Variants in RASGRF2 observed in about 807,000 individuals in gnomAD.
The protein encoded by RASGRF2 is Ras protein specific guanine nucleotide releasing factor 2.
Under a neutral mutation model 151.0 loss-of-function variants are expected in RASGRF2, and 76 were observed. The observed-to-expected ratio is 0.50, with a 90% confidence interval of 0.42 to 0.61. The LOEUF is 0.61. Ranked by LOEUF, RASGRF2 falls within the 20% of genes least tolerant of loss-of-function variation. The pLI, the probability that RASGRF2 is intolerant of heterozygous loss-of-function variation, is 0.00. For synonymous variants in RASGRF2, 504 were observed against 566.5 expected, an observed-to-expected ratio of 0.89 and a Z score of 1.57; for missense variants, 1,148 against 1,564.6, an observed-to-expected ratio of 0.73 and a Z score of 4.49.
intron 13 of RASGRF2, among the ~76,000 whole-genome samples, chr5:81,109,455 C>A (rs1029374128): frequency 6.6e-6 from 1 of 152,120 alleles, no homozygotes; most frequent in Non-Finnish European, 1.5e-5. Context: ...CAGGAGTTTG[C>A]GAACAGCCTG....
rs115836393 is a variant in RASGRF2 at position 80,981,497 on chromosome 5, G to C, written c.288+20471G>C. ...GTTGCTGAGCTCTGAGCACACTGGCGTGTACTTGTGTGAGTACGTGTGTGT... is the reference window on the plus strand; with the variant it reads ...GTTGCTGAGCTCTGAGCACACTGGCCTGTACTTGTGTGAGTACGTGTGTGT... On this transcript the variant is annotated intron_variant, in intron 1 of 26. Transcript: ENST00000265080. Among the ~76,000 whole-genome samples, 27 of 152,212 alleles carry C rather than the reference G, an allele frequency of 1.8e-4. No individual in the cohort carries two copies. The East Asian group carries it at 4.1e-3, about 23-fold the overall frequency.
At chr5:81,026,610 G>A (rs1580220638) in intron 1 of RASGRF2, among the ~76,000 whole-genome samples, 2 of 152,246 alleles carry the variant, frequency 1.3e-5, no homozygotes, top group East Asian at 1.9e-4. Context: ...CTTGGGAAAT[G>A]GTAAAGTAAC....
Position 80,978,427 on chromosome 5 carries a change from A to G in RASGRF2, c.288+17401A>G, listed in dbSNP as rs1043987946. On this transcript the variant is annotated intron_variant, in intron 1 of 26. Coordinates refer to ENST00000265080, the MANE Select transcript of RASGRF2 (RefSeq NM_006909.3). ...TTCTTACCAGAAAACTATGTATTCA[A>G]TTGTTGGAGAATTTTCTTCAAGGAC... Among the ~76,000 whole-genome samples the G allele has an allele frequency of 2.2e-4, 33 of 152,336 alleles. 1 individual carries two copies. The highest frequency in any genetic ancestry group is 7.5e-4 in the African/African-American group (31 of 41,588).
chr5:81,111,870 AAG>A (rs762146119), intron 13 of RASGRF2, among the ~76,000 whole-genome samples: 16 of 152,316 alleles, frequency 1.1e-4, no homozygotes, highest in Admixed American at 3.3e-4. Flanking sequence ...AGTCAGGAGA[AAG>A]AAATAACTGC....
At position 81,092,681 on chromosome 5, in the gene RASGRF2, T is replaced by C. The variant is rs1752423431; in HGVS notation, c.1391-120T>C. 5.7e-6 allele frequency: 5 copies of C among 870,484 alleles called. No individual in the cohort carries two copies. In the African/African-American group the frequency reaches 8.4e-5, roughly 15 times the overall value. The allele number at this position is 870,484 out of a possible 1,614,324, so 53.9% of individuals were successfully genotyped here. ...AAGAGAGTTACTTGTTCTGATGATG[T>C]GTCACATAAATCAATCCCTGGTATT... On this transcript the variant is annotated intron_variant, in intron 9 of 26. Transcript: ENST00000265080.
chr5:80,991,065 A>C lies in RASGRF2; in HGVS notation c.288+30039A>C, dbSNP rs113355297. On this transcript the variant is annotated intron_variant, in intron 1 of 26. Coordinates refer to ENST00000265080, the MANE Select transcript of RASGRF2 (RefSeq NM_006909.3). Reference sequence around the variant, plus strand: ...ACTTCTTAATTTTATAAGTTCACTGACAGAATATCTGAACTTCAGGTACCT... The same window carrying C: ...ACTTCTTAATTTTATAAGTTCACTGCCAGAATATCTGAACTTCAGGTACCT... Among the ~76,000 whole-genome samples the C allele has an allele frequency of 2.3e-3, 343 of 152,278 alleles. 1 individual carries two copies. The highest frequency in any genetic ancestry group is 8.0e-3 in the African/African-American group (332 of 41,556).
chr5:81,079,567 G>C (rs1032643079), intron 5 of RASGRF2, among the ~76,000 whole-genome samples: 2 of 152,178 alleles, frequency 1.3e-5, no homozygotes, highest in Non-Finnish European at 2.9e-5. Flanking sequence ...TAGGAATTTA[G>C]ATCCCTAAGT....
At chr5:81,078,469 C>T (rs1028916664) in intron 5 of RASGRF2, among the ~76,000 whole-genome samples, 2 of 152,154 alleles carry the variant, frequency 1.3e-5, no homozygotes, top group African/African-American at 4.8e-5. Flanking sequence ...ACTTTTTTAG[C>T]TTTCAAATAT....
At chr5:81,211,867 T>A (rs1755636743) in intron 22 of RASGRF2, among the ~76,000 whole-genome samples, 1 of 152,226 alleles carries the variant, frequency 6.6e-6, no homozygotes. Flanking sequence ...CAAGTGATTC[T>A]GGTTTGAGAG....
intron 17 of RASGRF2, among the ~76,000 whole-genome samples, chr5:81,128,212 A>G (rs1753521228): frequency 6.6e-6 from 1 of 152,138 alleles, no homozygotes; most frequent in African/African-American, 2.4e-5. Context: ...CTGGAGATCA[A>G]TTGTACACCA....
At chr5:81,053,755 G>A (rs1320353542) in intron 2 of RASGRF2, among the ~76,000 whole-genome samples, 2 of 152,292 alleles carry the variant, frequency 1.3e-5, no homozygotes, top group East Asian at 3.9e-4. Context: ...ATGTAAAAGT[G>A]TTTCTATTTC....
intron 18 of RASGRF2, among the ~76,000 whole-genome samples, chr5:81,192,128 C>T (rs147049570): frequency 1.3e-3 from 196 of 152,258 alleles, no homozygotes; most frequent in African/African-American, 4.5e-3. Flanking sequence ...ATTCTACAAA[C>T]GTTTGAGGGC....
chr5:81,114,066 A>G, intron 15 of RASGRF2, 146 bp downstream of exon 15: 9 of 1,139,032 alleles, frequency 7.9e-6, no homozygotes, highest in Non-Finnish European at 8.5e-6. Flanking sequence ...GTTAGTTAGA[A>G]GAGAAAATTC....
chr5:81,178,892 C>T (rs1312541897), intron 17 of RASGRF2, among the ~76,000 whole-genome samples: 6 of 152,176 alleles, frequency 3.9e-5, no homozygotes, highest in Admixed American at 2.6e-4. Context: ...GCGCCCGCCA[C>T]CACGCCTGGC....
In RASGRF2 at chr5:80,960,867, G is replaced by T. The variant is rs768090525; in HGVS notation, c.129G>T (p.Trp43Cys). 1.9e-6 allele frequency: 3 copies of T among 1,613,652 alleles called. No homozygotes were observed. Among genetic ancestry groups the T allele is most frequent in the Non-Finnish European group, 2.5e-6 (3 of 1,179,708 alleles). ...TAEASRWHEKWFALYQNVLFY... is the reference protein window; with the variant it reads ...TAEASRWHEKCFALYQNVLFY... ...AGGCGAGCCGCTGGCACGAGAAGTG[G>T]TTCGCCCTCTACCAGAATGTGCTCT... The change falls in exon 1 of 27, where the codon TGG becomes TGT. Residue 43 changes from tryptophan (W) to cysteine (C), a missense_variant. By Grantham distance (215) the Trp-to-Cys change is radical (BLOSUM62 -2). This residue lies in a region of RASGRF2 where 221 missense variants were observed against 271.3 expected (regional missense o/e 0.81). Coordinates refer to ENST00000265080, the MANE Select transcript of RASGRF2 (RefSeq NM_006909.3). This position sits in a 1 kb window ranked among gnomAD's most constrained non-coding sequence, Gnocchi z 5.5.
intron 17 of RASGRF2, among the ~76,000 whole-genome samples, chr5:81,156,921 T>C (rs1401450061): frequency 6.6e-6 from 1 of 152,138 alleles, no homozygotes; most frequent in East Asian, 1.9e-4. Flanking sequence ...GTAGAAAACC[T>C]TGAGAAACCC....
Position 80,960,658 on chromosome 5 carries a change from C to T in RASGRF2, c.-81C>T, listed in dbSNP as rs1180950078. On this transcript the variant is annotated 5_prime_UTR_variant, in exon 1 of 27. Transcript: ENST00000265080. The surrounding 1 kb of genome is among the most constrained non-coding windows in gnomAD (Gnocchi z 5.5). ...GCCGGCCGGGACCTGAGCGGTCGCG[C>T]CCTCGAGGGAGCCAGCTGGGCCATG... 8.0e-7 allele frequency: 1 copy of T among 1,255,746 alleles called. No individual in the cohort carries two copies. The highest frequency in any genetic ancestry group is 1.6e-5 in the African/African-American group (1 of 64,178). 77.8% of individuals were successfully genotyped at this position (1,255,746 alleles called of 1,614,324 possible). A position where few individuals can be genotyped will look rare whatever the true frequency, so the allele number is the denominator to read the frequency against.
intron 5 of RASGRF2, among the ~76,000 whole-genome samples, chr5:81,074,898 T>G (rs1751892052): frequency 6.6e-6 from 1 of 152,084 alleles, no homozygotes; most frequent in African/African-American, 2.4e-5. Flanking sequence ...CCCTGCTCAG[T>G]GTCAGTGAAG....
At chr5:80,975,580 A>G (rs1239127973) in intron 1 of RASGRF2, among the ~76,000 whole-genome samples, 1 of 152,204 alleles carries the variant, frequency 6.6e-6, no homozygotes. Flanking sequence ...TATTTTATCA[A>G]TTTAATTCTG....
Sources: gnomAD v4.1 joint callset for allele counts (sites outside exome capture counted in the v4.1 genomes callset) on GRCh38, gnomAD v4.1.1 for gene constraint, gnomAD v4.1.1 regional missense constraint, Gnocchi (gnomAD v3.1) non-coding constraint, MANE v1.5 for transcripts, NCBI Gene and HGNC (gene_info 2026-07-23, HGNC 2026-07-21) for gene names.